DNAJC12: variants seen among roughly 807,000 people sequenced by gnomAD.
DNAJC12 encodes DnaJ heat shock protein family (Hsp40) member C12, also known as dnaJ homolog subfamily C member 12.
Under a neutral mutation model 28.5 loss-of-function variants are expected in DNAJC12, and 25 were observed. The observed-to-expected ratio is 0.88, with a 90% CI of 0.64 to 1.22. The LOEUF (loss-of-function observed/expected upper bound fraction) is 1.22. Among genes scored for constraint, DNAJC12 ranks in the 50% most tolerant of loss-of-function variants. DNAJC12 has a pLI of 0.00. For synonymous variants in DNAJC12, 77 were observed against 80.6 expected, an observed-to-expected ratio of 0.95 and a Z score of 0.24; for missense variants, 222 against 231.7, an observed-to-expected ratio of 0.96 and a Z score of 0.27.
At chr10:67,835,411 G>C (rs990312807) in intron 1 of DNAJC12, among the ~76,000 whole-genome samples, 20 of 152,218 alleles carry the variant, frequency 1.3e-4, no homozygotes, top group African/African-American at 4.3e-4. Flanking sequence ...GAAGAGAAAA[G>C]CCAGGTGCGG....
At chr10:67,802,047 G>A (rs1841752460) in intron 4 of DNAJC12, among the ~76,000 whole-genome samples, 1 of 151,460 alleles carries the variant, frequency 6.6e-6, no homozygotes, top group South Asian at 2.1e-4. Context: ...TAATTTTGTG[G>A]AGACAGGGCT....
intron 2 of DNAJC12, among the ~76,000 whole-genome samples, chr10:67,817,437 A>T (rs555953023): frequency 1.3e-4 from 20 of 152,376 alleles, no homozygotes; most frequent in African/African-American, 4.6e-4. Context: ...TTAGTGGACG[A>T]AAAAGGTATA....
At chr10:67,824,265 C>T (rs1185431638) in intron 1 of DNAJC12, among the ~76,000 whole-genome samples, 1 of 151,104 alleles carries the variant, frequency 6.6e-6, no homozygotes, top group Admixed American at 6.6e-5. Context: ...TATTTAAATA[C>T]CCAAAATGAT....
chr10:67,801,917 A>G (rs1841750490), intron 4 of DNAJC12, among the ~76,000 whole-genome samples: 1 of 118,362 alleles, frequency 8.4e-6, no homozygotes, highest in African/African-American at 3.3e-5. Flanking sequence ...GCTGGAGTGC[A>G]GTGGCAGGAT....
At chr10:67,806,586 A>C (rs946097611) in intron 3 of DNAJC12, among the ~76,000 whole-genome samples, 3 of 152,048 alleles carry the variant, frequency 2.0e-5, no homozygotes, top group African/African-American at 7.2e-5. Context: ...CACTTTGGGA[A>C]GCCAAGGTGG....
At chr10:67,803,777 T>A (rs1391984988) in intron 4 of DNAJC12, among the ~76,000 whole-genome samples, 1 of 152,210 alleles carries the variant, frequency 6.6e-6, no homozygotes, top group Non-Finnish European at 1.5e-5. Flanking sequence ...TGTACTCCTG[T>A]GTTTGCTTAA....
At chr10:67,814,629 T>C (rs146565015) in intron 2 of DNAJC12, among the ~76,000 whole-genome samples, 68 of 152,358 alleles carry the variant, frequency 4.5e-4, no homozygotes, top group African/African-American at 1.5e-3. Flanking sequence ...AAGGTACTTA[T>C]ATCTAGAATT....
In DNAJC12 at chr10:67,823,334, T is replaced by C. The variant is rs1841998549; in HGVS notation, c.137A>G (p.His46Arg). 6.2e-7 allele frequency: 1 copy of C among 1,614,156 alleles called. No homozygotes were observed. Among genetic ancestry groups the C allele is most frequent in the Middle Eastern group, 1.6e-4 (1 of 6,062 alleles). ...VRALECHPDKHPENPKAVETF... is the reference protein window; with the variant it reads ...VRALECHPDKRPENPKAVETF... ...CTTACCAGCTTTGGGGTTTTCAGGA[T>C]GCTTGTCTGGGTGACATTCCAGAGC... The change falls in exon 2 of 5, where the codon CAT becomes CGT. Residue 46 changes from histidine (H) to arginine (R), a missense_variant. Physicochemically the swap from His to Arg is conservative, Grantham distance 29. Coordinates refer to ENST00000225171, the MANE Select transcript of DNAJC12 (RefSeq NM_021800.3).
chr10:67,826,256 T>C (rs916979349), intron 1 of DNAJC12, among the ~76,000 whole-genome samples: 1 of 151,072 alleles, frequency 6.6e-6, no homozygotes, highest in African/African-American at 2.4e-5. Context: ...CATGTCAGCC[T>C]CCCAAAAAGC....
intron 3 of DNAJC12, among the ~76,000 whole-genome samples, chr10:67,809,374 A>T (rs1841836362): frequency 6.6e-6 from 1 of 152,162 alleles, no homozygotes; most frequent in Non-Finnish European, 1.5e-5. Flanking sequence ...TTATCCCAGG[A>T]TCCCAAAGGC....
chr10:67,810,416 T>C (rs1019274576), intron 3 of DNAJC12, among the ~76,000 whole-genome samples: 1 of 152,212 alleles, frequency 6.6e-6, no homozygotes, highest in Non-Finnish European at 1.5e-5. Flanking sequence ...GTGGCTCGTT[T>C]GAGGAATTCT....
intron 2 of DNAJC12, among the ~76,000 whole-genome samples, chr10:67,817,637 G>C (rs551752698): frequency 3.3e-5 from 5 of 152,116 alleles, no homozygotes; most frequent in Non-Finnish European, 5.9e-5. Context: ...AGCACTTTGG[G>C]AGGCCGAGGC....
At chr10:67,811,218 A>G (rs952808883) in intron 3 of DNAJC12, 4 of 979,678 alleles carry the variant, frequency 4.1e-6, no homozygotes, top group South Asian at 4.7e-5. Flanking sequence ...TTCATGAGCA[A>G]CTTGAGAAGT....
intron 4 of DNAJC12, among the ~76,000 whole-genome samples, chr10:67,804,637 C>T (rs1214593225): frequency 3.3e-5 from 5 of 152,176 alleles, no homozygotes; most frequent in African/African-American, 1.2e-4. Context: ...AGGATGTGAA[C>T]TCAGGTAGTG....
intron 4 of DNAJC12, among the ~76,000 whole-genome samples, chr10:67,804,620 T>C (rs997097862): frequency 6.6e-6 from 1 of 152,234 alleles, no homozygotes; most frequent in Admixed American, 6.5e-5. Context: ...TAATAAGTAG[T>C]AGAGCTAGGA....
chr10:67,813,086 G>A (rs2131798635), intron 2 of DNAJC12, among the ~76,000 whole-genome samples: 1 of 152,272 alleles, frequency 6.6e-6, no homozygotes, highest in South Asian at 2.1e-4. Context: ...ATTAGGAGAT[G>A]GGGCTTTTGA....
At chr10:67,798,037 C>A (rs1841696539) in intron 4 of DNAJC12, among the ~76,000 whole-genome samples, 1 of 118,628 alleles carries the variant, frequency 8.4e-6, no homozygotes, top group African/African-American at 4.6e-5. Context: ...GAGATTCTGT[C>A]TCAGAAAAAA....
intron 1 of DNAJC12, among the ~76,000 whole-genome samples, chr10:67,831,783 C>T (rs1842095909): frequency 6.6e-6 from 1 of 152,108 alleles, no homozygotes; most frequent in Admixed American, 6.6e-5. Context: ...TTTTGTTCCC[C>T]ACCCTATGTC....
chr10:67,797,619 T>C (rs564551436), intron 4 of DNAJC12, among the ~76,000 whole-genome samples: 1 of 152,228 alleles, frequency 6.6e-6, no homozygotes, highest in Non-Finnish European at 1.5e-5. Flanking sequence ...AGATTTTTTT[T>C]TAGTTATAAT....
Sources: allele counts gnomAD v4.1 joint callset (sites outside exome capture counted in the v4.1 genomes callset), GRCh38; gene constraint gnomAD v4.1.1; transcripts MANE v1.5; gene names NCBI Gene and HGNC (gene_info 2026-07-23, HGNC 2026-07-21).